The following SH3RF1 variants were observed in gnomAD, a reference collection of about 807,000 sequenced individuals.
SH3RF1 encodes the protein E3 ubiquitin-protein ligase SH3RF1.
SH3RF1 carries 32 observed loss-of-function variants against 74.0 expected under a neutral mutation model. The ratio of observed to expected loss-of-function variants is 0.43; its 90% CI spans 0.33 to 0.58. The LOEUF (loss-of-function observed/expected upper bound fraction) is 0.58, where lower values mean the gene tolerates loss of function less well. Among genes scored for constraint, SH3RF1 ranks in the 20% least tolerant of loss-of-function variants. SH3RF1 has a pLI of 0.05. For synonymous variants in SH3RF1, 396 were observed against 439.6 expected (o/e 0.90, Z 1.24); for missense variants, 954 against 1,130.9 (o/e 0.84, Z 2.24).
In SH3RF1 at chr4:169,137,596, G is replaced by A. The variant is rs530124223; in HGVS notation, c.766-976C>T. On this transcript the variant is annotated intron_variant, in intron 4 of 11. Coordinates refer to ENST00000284637, the MANE Select transcript of SH3RF1 (RefSeq NM_020870.4). ...AGGAAAACAGTGATTTTTCCATCTC[G>A]GCATTACACATTGGGCACTTCACAA... Among the ~76,000 whole-genome samples, 7 of 152,116 alleles carry A rather than the reference G, an allele frequency of 4.6e-5. No homozygotes were observed. In the South Asian group the frequency reaches 1.3e-3, roughly 27 times the overall value.
intron 4 of SH3RF1, among the ~76,000 whole-genome samples, chr4:169,149,455 T>C (rs1579107552): frequency 1.3e-5 from 2 of 152,262 alleles, no homozygotes; most frequent in East Asian, 3.9e-4. Context: ...TGGGACATAG[T>C]CTACAGTGCT....
chr4:169,233,739 C>T (rs947995687), intron 2 of SH3RF1, among the ~76,000 whole-genome samples: 9 of 151,602 alleles, frequency 5.9e-5, no homozygotes, highest in African/African-American at 2.2e-4. Flanking sequence ...CAAACCACCT[C>T]CCTCTACCCT....
chr4:169,197,240 G>A (rs1367873892), intron 2 of SH3RF1, among the ~76,000 whole-genome samples: 1 of 152,098 alleles, frequency 6.6e-6, no homozygotes, highest in African/African-American at 2.4e-5. Flanking sequence ...GACCTCAGGT[G>A]ATCCACGTGC....
At chr4:169,214,318 C>T (rs1730426888) in intron 2 of SH3RF1, among the ~76,000 whole-genome samples, 1 of 152,352 alleles carries the variant, frequency 6.6e-6, no homozygotes, top group African/African-American at 2.4e-5. Context: ...TCCCTGAGGC[C>T]TCACCAGAAG....
chr4:169,247,251 T>C (rs1731016525), intron 2 of SH3RF1, among the ~76,000 whole-genome samples: 1 of 152,190 alleles, frequency 6.6e-6, no homozygotes. Context: ...GTGAGCTTGA[T>C]AGGTTTAGAC....
intron 10 of SH3RF1, among the ~76,000 whole-genome samples, chr4:169,109,471 A>C (rs982719332): frequency 6.6e-6 from 1 of 152,232 alleles, no homozygotes; most frequent in Non-Finnish European, 1.5e-5. Flanking sequence ...ACAGAACAGA[A>C]GGCAGAGGAT....
intron 4 of SH3RF1, among the ~76,000 whole-genome samples, chr4:169,147,334 G>A (rs997372305): frequency 2.0e-5 from 3 of 152,180 alleles, no homozygotes; most frequent in Non-Finnish European, 2.9e-5. Flanking sequence ...ACATGGAATT[G>A]TCATTAATTC....
In SH3RF1 at chr4:169,175,302, C is replaced by T. The variant is rs546000451; in HGVS notation, c.394-18623G>A. ...ACAGTCTTGCCTGTTAACCTCAGAA[C>T]GGCTTTCCCTCCCACTTGAAATACA... is the stretch of plus-strand genomic sequence containing the variant. On this transcript the variant is annotated intron_variant, in intron 2 of 11. Transcript: ENST00000284637. Among the ~76,000 whole-genome samples the T allele has an allele frequency of 4.6e-5, 7 of 152,288 alleles. No homozygotes were observed. In the East Asian group the frequency reaches 5.8e-4, roughly 13 times the overall value.
intron 11 of SH3RF1, among the ~76,000 whole-genome samples, chr4:169,104,430 T>C (rs1193662341): frequency 6.6e-6 from 1 of 152,120 alleles, no homozygotes; most frequent in African/African-American, 2.4e-5. Context: ...GAGTAAGAGA[T>C]TCAGTGAATT....
At chr4:169,229,053 C>T (rs1730693367) in intron 2 of SH3RF1, among the ~76,000 whole-genome samples, 2 of 152,044 alleles carry the variant, frequency 1.3e-5, no homozygotes, top group Non-Finnish European at 2.9e-5. Flanking sequence ...GACAGTCTCA[C>T]CAGGAAAGAG....
intron 2 of SH3RF1, among the ~76,000 whole-genome samples, chr4:169,173,009 A>G (rs1435540384): frequency 1.3e-5 from 2 of 152,232 alleles, no homozygotes; most frequent in Admixed American, 1.3e-4. Context: ...AAAGTGTGTG[A>G]AATTCTAATA....
chr4:169,155,394 G>A, intron 4 of SH3RF1, 86 bp downstream of exon 4: 1 of 994,486 alleles, frequency 1.0e-6, no homozygotes, highest in South Asian at 1.4e-5. Flanking sequence ...TTGTTGTGAG[G>A]ACTTCTTAAT....
intron 2 of SH3RF1, among the ~76,000 whole-genome samples, chr4:169,219,404 A>G (rs1451679365): frequency 6.6e-6 from 1 of 152,314 alleles, no homozygotes; most frequent in South Asian, 2.1e-4. Context: ...CCAGTTAGGT[A>G]TATATTCACC....
At chr4:169,171,750 T>A (rs976186095) in intron 2 of SH3RF1, among the ~76,000 whole-genome samples, 1 of 152,260 alleles carries the variant, frequency 6.6e-6, no homozygotes, top group African/African-American at 2.4e-5. Context: ...GCCTACAATA[T>A]TCCCCTCACA....
At chr4:169,255,463 G>C (rs1731171594) in intron 2 of SH3RF1, among the ~76,000 whole-genome samples, 1 of 151,906 alleles carries the variant, frequency 6.6e-6, no homozygotes, top group South Asian at 2.1e-4. Flanking sequence ...TGGAAAAACT[G>C]ACCAGTAATA....
chr4:169,132,590 G>C (rs190509000), intron 5 of SH3RF1, among the ~76,000 whole-genome samples: 9 of 152,140 alleles, frequency 5.9e-5, no homozygotes, highest in African/African-American at 2.2e-4. Flanking sequence ...CCCTGAATAG[G>C]GACAACCTGA....
chr4:169,095,943 T>A lies in SH3RF1; in HGVS notation c.*576A>T, dbSNP rs1351682387. The A allele has an allele frequency of 6.6e-6, 1 of 152,208 alleles. No individual in the cohort carries two copies. The highest frequency in any genetic ancestry group is 1.5e-5 in the Non-Finnish European group (1 of 68,056). The allele number at this position is 152,208 out of a possible 1,614,324, so 9.4% of individuals were successfully genotyped here. On this transcript the variant is annotated 3_prime_UTR_variant, in exon 12 of 12. Coordinates refer to ENST00000284637, the MANE Select transcript of SH3RF1 (RefSeq NM_020870.4). ...CCTAATTGATACTGATTCATTTGTA[T>A]GTTTGGTTTCCCAAAGAAGAAAACC...
intron 2 of SH3RF1, among the ~76,000 whole-genome samples, chr4:169,228,766 CTATTT>C (rs1403658730): frequency 6.6e-6 from 1 of 152,174 alleles, no homozygotes; most frequent in African/African-American, 2.4e-5. Flanking sequence ...AGTACACTTT[CTATTT>C]TATTTTTCAT....
chr4:169,224,447 A>C (rs2127003566), intron 2 of SH3RF1, among the ~76,000 whole-genome samples: 1 of 151,900 alleles, frequency 6.6e-6, no homozygotes, highest in Admixed American at 6.6e-5. Context: ...CCTCCCAAGT[A>C]GCTGGGATTA....
Sources: gnomAD v4.1 joint callset for allele counts (sites outside exome capture counted in the v4.1 genomes callset) on GRCh38, gnomAD v4.1.1 for gene constraint, MANE v1.5 for transcripts, NCBI Gene and HGNC (gene_info 2026-07-23, HGNC 2026-07-21) for gene names.